The following MINDY2 variants were observed in gnomAD, a reference collection of about 807,000 sequenced individuals.
MINDY2 encodes the protein ubiquitin carboxyl-terminal hydrolase MINDY-2.
MINDY2 carries 52 observed loss-of-function variants against 68.2 expected under a neutral mutation model. The ratio of observed to expected loss-of-function variants is 0.76; its 90% CI spans 0.61 to 0.96. The LOEUF (loss-of-function observed/expected upper bound fraction) is 0.96, where lower values mean the gene tolerates loss of function less well. Among genes scored for constraint, MINDY2 ranks in the 40% least tolerant of loss-of-function variants. The probability of loss-of-function intolerance (pLI) is 0.00; values close to 1 mark genes in which losing one functional copy is unlikely to be tolerated. For synonymous variants in MINDY2, 372 were observed against 303.0 expected (o/e 1.23, Z -2.36); for missense variants, 881 against 773.4 (o/e 1.14, Z -1.65).
intron 8 of MINDY2, among the ~76,000 whole-genome samples, chr15:58,853,825 A>T (rs1473192111): frequency 1.4e-5 from 2 of 144,832 alleles, no homozygotes; most frequent in African/African-American, 2.7e-5. Flanking sequence ...TCAATAAAAA[A>T]AAAAAAAAAA....
chr15:58,824,447 A>G (rs565331203), intron 5 of MINDY2, among the ~76,000 whole-genome samples: 92 of 152,254 alleles, frequency 6.0e-4, no homozygotes, highest in African/African-American at 2.0e-3. Flanking sequence ...AATTCTACAT[A>G]CCATATTTCC....
intron 5 of MINDY2, among the ~76,000 whole-genome samples, chr15:58,827,977 A>G (rs1048270042): frequency 1.3e-5 from 2 of 151,880 alleles, no homozygotes; most frequent in African/African-American, 4.8e-5. Flanking sequence ...TCATGCCTGT[A>G]ATCCCAGCAC....
intron 4 of MINDY2, 127 bp downstream of exon 4, chr15:58,810,515 T>A: frequency 1.1e-6 from 1 of 894,556 alleles, no homozygotes; most frequent in South Asian, 1.9e-5. Flanking sequence ...TTAGCCAAAC[T>A]ATGAGGTTAA....
intron 6 of MINDY2, 127 bp downstream of exon 6, chr15:58,832,043 G>T (rs2031755000): frequency 1.2e-6 from 1 of 808,636 alleles, no homozygotes; most frequent in African/African-American, 1.8e-5. Flanking sequence ...AATTATGAAG[G>T]TAATTATTAA....
intron 5 of MINDY2, 76 bp downstream of exon 5, chr15:58,821,895 A>C: frequency 1.1e-6 from 1 of 930,416 alleles, no homozygotes; most frequent in Non-Finnish European, 1.6e-6. Flanking sequence ...ATATCTTTCA[A>C]ATTTCTTAAA....
chr15:58,772,064 G>A lies in MINDY2; in HGVS notation c.669G>A (p.Gly223=), dbSNP rs1205378667. 19 of 1,611,638 alleles carry A rather than the reference G, an allele frequency of 1.2e-5. No individual in the cohort carries two copies. Among genetic ancestry groups the A allele is most frequent in the Middle Eastern group, 1.6e-4 (1 of 6,064 alleles). Residue 223 remains glycine, a synonymous_variant, in exon 1 of 9, where the codon GGG becomes GGA. Transcript: ENST00000559228. ...GAVPLCKEEE[G]EETAQVLAAS... is the part of the protein sequence containing the mutation. The stretch of plus-strand genomic sequence containing the variant: ...TTCCTCTGTGCAAGGAGGAGGAGGG[G>A]GAGGAGACCGCTCAGGTGCTGGCGG...
intron 7 of MINDY2, among the ~76,000 whole-genome samples, chr15:58,851,033 G>T (rs1275902011): frequency 6.6e-6 from 1 of 152,030 alleles, no homozygotes; most frequent in African/African-American, 2.4e-5. Context: ...GAGCGCAGTG[G>T]CGTGATCTCA....
At chr15:58,837,495 C>T (rs1033880932) in intron 6 of MINDY2, among the ~76,000 whole-genome samples, 1 of 151,080 alleles carries the variant, frequency 6.6e-6, no homozygotes. Flanking sequence ...ATCACTTGAG[C>T]CCTGAGCCCA....
chr15:58,814,954 G>C (rs539733376), intron 4 of MINDY2, among the ~76,000 whole-genome samples: 2 of 152,020 alleles, frequency 1.3e-5, no homozygotes, highest in South Asian at 4.2e-4. Context: ...TAATTTCAGT[G>C]AAGTTCACTT....
At chr15:58,805,039 G>A (rs1265246112) in intron 3 of MINDY2, among the ~76,000 whole-genome samples, 11 of 152,080 alleles carry the variant, frequency 7.2e-5, no homozygotes, top group African/African-American at 1.4e-4. Flanking sequence ...ATCTTGCATT[G>A]GAATACACTC....
intron 1 of MINDY2, among the ~76,000 whole-genome samples, chr15:58,784,306 A>G (rs1192344832): frequency 2.6e-5 from 4 of 152,132 alleles, no homozygotes; most frequent in African/African-American, 9.7e-5. Context: ...AGCCTGGAGG[A>G]CAGTGAGAAC....
rs925865671 is a variant in MINDY2 at position 58,858,237 on chromosome 15, A to G, written c.*3627A>G. On this transcript the variant is annotated 3_prime_UTR_variant, in exon 9 of 9. Transcript: ENST00000559228. ...GAAGTGTAGATTTAAATTTAGGATTAGGCTTTGGAATATATCTTGTTTTTA... is the reference window on the plus strand; with the variant it reads ...GAAGTGTAGATTTAAATTTAGGATTGGGCTTTGGAATATATCTTGTTTTTA... 3.5e-4 allele frequency: 53 copies of G among 152,060 alleles called. No individual in the cohort carries two copies. Among genetic ancestry groups the G allele is most frequent in the African/African-American group, 1.2e-3 (48 of 41,474 alleles). The allele number at this position is 152,060 out of a possible 1,614,324, so 9.4% of individuals were successfully genotyped here. A position where few individuals can be genotyped will look rare whatever the true frequency, so the allele number is the denominator to read the frequency against.
chr15:58,822,934 A>G (rs1567062107), intron 5 of MINDY2, among the ~76,000 whole-genome samples: 1 of 152,214 alleles, frequency 6.6e-6, no homozygotes, highest in Non-Finnish European at 1.5e-5. Context: ...TATTACAATT[A>G]TCACATTTTT....
intron 4 of MINDY2, among the ~76,000 whole-genome samples, chr15:58,820,855 C>G (rs115230400): frequency 0.033 from 4,990 of 151,970 alleles, 286 homozygotes; most frequent in African/African-American, 0.11. Context: ...AACATTGGCC[C>G]TCTTATTTTT....
At chr15:58,843,547 AC>A (rs2032377811) in intron 6 of MINDY2, among the ~76,000 whole-genome samples, 1 of 152,100 alleles carries the variant, frequency 6.6e-6, no homozygotes, top group Non-Finnish European at 1.5e-5. Context: ...CGGAATGAAA[AC>A]CTATTCTGTC....
chr15:58,790,608 A>G (rs1901824800), intron 2 of MINDY2, among the ~76,000 whole-genome samples: 2 of 152,296 alleles, frequency 1.3e-5, no homozygotes, highest in South Asian at 4.2e-4. Context: ...GACAAGTGGG[A>G]AAACTATTTA....
In MINDY2 at chr15:58,856,679, C is replaced by G. The variant is rs1176193579; in HGVS notation, c.*2069C>G. ...AGGTTGACCTCAATCCAAGTTTACT[C>G]TTGATATCACTCTGTTGGCTGAAGG... is the stretch of plus-strand genomic sequence containing the variant. On this transcript the variant is annotated 3_prime_UTR_variant, in exon 9 of 9. Transcript: ENST00000559228. The G allele has an allele frequency of 1.4e-4, 21 of 152,154 alleles. No homozygotes were observed. The highest frequency in any genetic ancestry group is 1.4e-3 in the Admixed American group (21 of 15,278). 9.4% of individuals were successfully genotyped at this position (152,154 alleles called of 1,614,324 possible). A position where few individuals can be genotyped will look rare whatever the true frequency, so the allele number is the denominator to read the frequency against.
At chr15:58,834,371 T>A (rs1438146771) in intron 6 of MINDY2, among the ~76,000 whole-genome samples, 1 of 152,190 alleles carries the variant, frequency 6.6e-6, no homozygotes, top group Non-Finnish European at 1.5e-5. Context: ...ACCCATCCTT[T>A]AAGAAGCTTT....
At chr15:58,818,393 C>G (rs2030839582) in intron 4 of MINDY2, among the ~76,000 whole-genome samples, 1 of 152,034 alleles carries the variant, frequency 6.6e-6, no homozygotes, top group South Asian at 2.1e-4. Flanking sequence ...GTAGCTGGGA[C>G]TATAGGCACA....
Sources: gnomAD v4.1 joint callset for allele counts (sites outside exome capture counted in the v4.1 genomes callset) on GRCh38, gnomAD v4.1.1 for gene constraint, MANE v1.5 for transcripts, NCBI Gene and HGNC (gene_info 2026-07-23, HGNC 2026-07-21) for gene names.